SLC9A4: variants seen among roughly 807,000 people sequenced by gnomAD.
The protein encoded by SLC9A4 is sodium/hydrogen exchanger 4.
Under a neutral mutation model 67.4 loss-of-function variants are expected in SLC9A4, and 63 were observed. The observed-to-expected ratio is 0.93, with a 90% CI of 0.76 to 1.15. The LOEUF is 1.15. Among genes scored for constraint, SLC9A4 ranks in the 50% most tolerant of loss-of-function variants. SLC9A4 has a pLI of 0.00. For missense variants in SLC9A4, 1,089 were observed against 987.7 expected, an observed-to-expected ratio of 1.10 and a Z score of -1.38; for synonymous variants, 393 against 367.2, an observed-to-expected ratio of 1.07 and a Z score of -0.80.
chr2:102,514,425 A>C (rs1392808137), intron 8 of SLC9A4, among the ~76,000 whole-genome samples, 174 bp downstream of exon 8: 2 of 152,246 alleles, frequency 1.3e-5, no homozygotes, highest in Non-Finnish European at 2.9e-5. Flanking sequence ...GCCCAAGCTC[A>C]CATATTTTAC....
chr2:102,514,398 G>A (rs1685232543), intron 8 of SLC9A4, 147 bp downstream of exon 8: 2 of 541,800 alleles, frequency 3.7e-6, no homozygotes, highest in East Asian at 6.7e-5. Context: ...TCTAAGTCTT[G>A]GCATTTTTAT....
rs566422406 is a variant in SLC9A4 at position 102,478,933 on chromosome 2, C to G, written c.351C>G (p.Thr117=). 6.2e-7 allele frequency: 1 copy of G among 1,614,024 alleles called. No homozygotes were observed. The highest frequency in any genetic ancestry group is 8.5e-7 in the Non-Finnish European group (1 of 1,179,982). The part of the protein sequence containing the change: ...GALVGGIIFG[T]DHKSPPVMDS... ...TGGTGGGCGGCATCATCTTCGGCAC[C>G]GACCACAAATCGCCTCCGGTCATGG... Residue 117 remains threonine, a synonymous_variant, in exon 2 of 12, where the codon ACC becomes ACG. Coordinates refer to ENST00000295269, the MANE Select transcript of SLC9A4 (RefSeq NM_001011552.4).
At chr2:102,514,009 A>G in intron 7 of SLC9A4, 81 bp from the exon 8 acceptor site, 1 of 1,521,068 alleles carries the variant, frequency 6.6e-7, no homozygotes, top group South Asian at 1.3e-5. Flanking sequence ...AGTAGTAAGT[A>G]GTTTGTTTCA....
chr2:102,516,303 G>A (rs1038511570), intron 8 of SLC9A4, among the ~76,000 whole-genome samples: 5 of 152,062 alleles, frequency 3.3e-5, no homozygotes, highest in Non-Finnish European at 5.9e-5. Context: ...TAACTGGGGT[G>A]GGAGAGATTT....
intron 9 of SLC9A4, among the ~76,000 whole-genome samples, chr2:102,520,419 C>T (rs1685380459): frequency 1.3e-5 from 2 of 152,190 alleles, no homozygotes; most frequent in Admixed American, 1.3e-4. Context: ...AAGGAGACAT[C>T]TTATTTCTCA....
chr2:102,508,331 GTAGTAAAT>G (rs752476182), intron 5 of SLC9A4, 50 bp downstream of exon 5: 3 of 1,450,426 alleles, frequency 2.1e-6, no homozygotes, highest in Non-Finnish European at 2.8e-6. Flanking sequence ...TCAGGACAAT[GTAGTAAAT>G]TAGTAAAATA....
chr2:102,504,526 C>A (rs1410036053), intron 3 of SLC9A4, among the ~76,000 whole-genome samples: 1 of 152,140 alleles, frequency 6.6e-6, no homozygotes, highest in Non-Finnish European at 1.5e-5. Flanking sequence ...TCCTTGTATC[C>A]TTGAGATGTT....
chr2:102,492,794 A>T (rs890856001), intron 2 of SLC9A4, among the ~76,000 whole-genome samples: 8 of 65,004 alleles, frequency 1.2e-4, no homozygotes, highest in Admixed American at 1.1e-3. Flanking sequence ...TTCTCCCCAG[A>T]AAATGTTTTT....
At chr2:102,525,373 T>G (rs897052202) in intron 10 of SLC9A4, among the ~76,000 whole-genome samples, 1 of 151,930 alleles carries the variant, frequency 6.6e-6, no homozygotes, top group African/African-American at 2.4e-5. Flanking sequence ...CATAGGGTGC[T>G]TCCCTCCACA....
intron 2 of SLC9A4, among the ~76,000 whole-genome samples, chr2:102,485,142 C>T (rs1172444920): frequency 2.0e-5 from 3 of 152,228 alleles, no homozygotes; most frequent in African/African-American, 4.8e-5. Flanking sequence ...TGACCCTTCT[C>T]GGTCCTTCAG....
At chr2:102,524,796 A>G (rs1674625154) in intron 9 of SLC9A4, among the ~76,000 whole-genome samples, 1 of 152,226 alleles carries the variant, frequency 6.6e-6, no homozygotes, top group Non-Finnish European at 1.5e-5. Context: ...TTAGAGCAGA[A>G]GGCAGAGGCT....
chr2:102,521,433 TAA>T (rs1254802702), intron 9 of SLC9A4, among the ~76,000 whole-genome samples: 4 of 152,196 alleles, frequency 2.6e-5, no homozygotes, highest in Non-Finnish European at 4.4e-5. Flanking sequence ...TTCCATTTAA[TAA>T]GTTTATTGCT....
At chr2:102,520,693 G>A (rs960851333) in intron 9 of SLC9A4, among the ~76,000 whole-genome samples, 6 of 152,136 alleles carry the variant, frequency 3.9e-5, no homozygotes, top group East Asian at 3.9e-4. Flanking sequence ...TGACTGTGTC[G>A]TTGATCATAG....
rs188970647 is a variant in SLC9A4, at chr2:102,528,073, T to C, written c.2038+1727T>C. On this transcript the variant is annotated intron_variant, in intron 11 of 11. Transcript: ENST00000295269. ...CCCCGGCTGGAATGCAGTGGAGCGA[T>C]CTTGGCTCACTGTAACCTCTGCCTC... 2.6e-5 allele frequency among the ~76,000 whole-genome samples: 4 copies of C among 152,312 alleles called. No individual in the cohort carries two copies. In the East Asian group the frequency reaches 7.7e-4, roughly 29 times the overall value.
At chr2:102,482,633 A>G (rs76539089) in intron 2 of SLC9A4, among the ~76,000 whole-genome samples, 1 of 151,692 alleles carries the variant, frequency 6.6e-6, no homozygotes, top group African/African-American at 2.4e-5. Context: ...ACCTTCTTTC[A>G]CTCAGATCCA....
At chr2:102,512,371 A>T in intron 7 of SLC9A4, 98 bp downstream of exon 7, 1 of 1,333,478 alleles carries the variant, frequency 7.5e-7, no homozygotes, top group South Asian at 1.2e-5. Context: ...GGAGACCAAG[A>T]AGATAAAGTG....
chr2:102,504,918 G>C lies in SLC9A4; in HGVS notation c.981-336G>C, dbSNP rs947850604. Among the ~76,000 whole-genome samples the C allele has an allele frequency of 5.7e-5, 8 of 139,516 alleles. No individual in the cohort carries two copies. In the East Asian group the frequency reaches 1.6e-3, roughly 27 times the overall value. 91.5% of individuals were successfully genotyped at this position (139,516 alleles called of 152,430 possible). On this transcript the variant is annotated intron_variant, in intron 3 of 11. Coordinates refer to ENST00000295269, the MANE Select transcript of SLC9A4 (RefSeq NM_001011552.4). Reference sequence around the variant, plus strand: ...TTATTTTGGTTTAAGGCAGAGTAACGCAGAGAGTGTGAGTTGGGACTGACA... The same window carrying C: ...TTATTTTGGTTTAAGGCAGAGTAACCCAGAGAGTGTGAGTTGGGACTGACA...
chr2:102,531,229 A>AT (rs1674774326), intron 11 of SLC9A4, among the ~76,000 whole-genome samples: 1 of 151,994 alleles, frequency 6.6e-6, no homozygotes, highest in Non-Finnish European at 1.5e-5. Context: ...CGCCCAGCTA[A>AT]TTTTTTCTAG....
At chr2:102,532,039 A>G (rs1316009130) in intron 11 of SLC9A4, among the ~76,000 whole-genome samples, 2 of 152,200 alleles carry the variant, frequency 1.3e-5, no homozygotes, top group African/African-American at 4.8e-5. Context: ...TGGCCAACTG[A>G]TCTGATTCTG....
Sources: allele counts gnomAD v4.1 joint callset (sites outside exome capture counted in the v4.1 genomes callset), GRCh38; gene constraint gnomAD v4.1.1; transcripts MANE v1.5; gene names NCBI Gene and HGNC (gene_info 2026-07-23, HGNC 2026-07-21).